CDK15: variants seen among roughly 807,000 people sequenced by gnomAD.
The protein encoded by CDK15 is cyclin-dependent kinase 15.
A neutral mutation model predicts 60.3 loss-of-function variants in CDK15; 62 were observed. The observed-to-expected ratio is 1.03, with a 90% confidence interval of 0.84 to 1.27. The LOEUF (loss-of-function observed/expected upper bound fraction) is 1.27. Among genes scored for constraint, CDK15 ranks in the 50% most tolerant of loss-of-function variants. CDK15 has a pLI of 0.00. For missense variants in CDK15, 541 were observed against 527.8 expected (o/e 1.03, Z -0.25); for synonymous variants, 194 against 195.7 (o/e 0.99, Z 0.07).
At chr2:201,891,890 A>G (rs1352919552) in intron 13 of CDK15, among the ~76,000 whole-genome samples, 1 of 152,054 alleles carries the variant, frequency 6.6e-6, no homozygotes, top group Non-Finnish European at 1.5e-5. Context: ...TTTGACAACC[A>G]CAGCTTGGCC....
chr2:201,886,574 C>T (rs1699457412), intron 12 of CDK15, among the ~76,000 whole-genome samples: 1 of 152,176 alleles, frequency 6.6e-6, no homozygotes. Context: ...ATCCACCTGC[C>T]TTGGCCTCCC....
intron 13 of CDK15, among the ~76,000 whole-genome samples, chr2:201,892,791 A>C (rs1029838058): frequency 6.6e-6 from 1 of 152,270 alleles, no homozygotes; most frequent in African/African-American, 2.4e-5. Flanking sequence ...TTTTCCAGTG[A>C]ATTGAATTTA....
At chr2:201,829,654 C>T (rs1696662479) in intron 6 of CDK15, among the ~76,000 whole-genome samples, 1 of 152,056 alleles carries the variant, frequency 6.6e-6, no homozygotes, top group African/African-American at 2.4e-5. Flanking sequence ...TTGAAATCAT[C>T]AGAATACGGT....
chr2:201,815,086 G>A (rs1414007517), intron 4 of CDK15, among the ~76,000 whole-genome samples: 1 of 151,918 alleles, frequency 6.6e-6, no homozygotes, highest in Non-Finnish European at 1.5e-5. Context: ...GGAGTAGCTG[G>A]GATTACAGGC....
At chr2:201,860,523 G>A (rs141705123) in intron 10 of CDK15, among the ~76,000 whole-genome samples, 2 of 152,166 alleles carry the variant, frequency 1.3e-5, no homozygotes, top group Non-Finnish European at 1.5e-5. Flanking sequence ...GAGCTCAGCC[G>A]CAGGGAAGCA....
In CDK15 at chr2:201,882,612, G is replaced by GAAAGGC. The variant is rs1699320028; in HGVS notation, c.1198+2446_1198+2451dup. On this transcript the variant is annotated intron_variant, in intron 12 of 13. Transcript: ENST00000652192. The surrounding 1 kb of genome is among the most constrained non-coding windows in gnomAD (Gnocchi z 4.0). ...GAAAGCGCCGGTGCCAAGAGACAGG[G>GAAAGGC]AAAGGCGGGGGCAAGATTGGGTGTG... is the stretch of plus-strand genomic sequence containing the variant. 6.6e-6 allele frequency among the ~76,000 whole-genome samples: 1 copy of GAAAGGC among 151,544 alleles called. No individual in the cohort carries two copies. Among genetic ancestry groups the GAAAGGC allele is most frequent in the Non-Finnish European group, 1.5e-5 (1 of 67,828 alleles).
In CDK15 at chr2:201,882,602, A is replaced by G. The variant is rs944133179; in HGVS notation, c.1198+2435A>G. Among the ~76,000 whole-genome samples the G allele has an allele frequency of 1.3e-5, 2 of 151,706 alleles. No homozygotes were observed. The highest frequency in any genetic ancestry group is 1.3e-4 in the Admixed American group (2 of 15,228). On this transcript the variant is annotated intron_variant, in intron 12 of 13. Coordinates refer to ENST00000652192, the MANE Select transcript of CDK15 (RefSeq NM_001366386.2). This position sits in a 1 kb window ranked among gnomAD's most constrained non-coding sequence, Gnocchi z 4.0. Reference sequence around the variant, plus strand: ...GGGAGAAGATGAAAGCGCCGGTGCCAAGAGACAGGGAAAGGCGGGGGCAAG... The same window carrying G: ...GGGAGAAGATGAAAGCGCCGGTGCCGAGAGACAGGGAAAGGCGGGGGCAAG...
At chr2:201,815,155 T>C (rs1695936352) in intron 4 of CDK15, among the ~76,000 whole-genome samples, 1 of 152,192 alleles carries the variant, frequency 6.6e-6, no homozygotes, top group Non-Finnish European at 1.5e-5. Flanking sequence ...TTCCCCATGT[T>C]GGCCAGGCTG....
intron 2 of CDK15, 94 bp downstream of exon 2, chr2:201,807,737 T>C: frequency 6.4e-7 from 1 of 1,564,638 alleles, no homozygotes; most frequent in Non-Finnish European, 8.7e-7. Flanking sequence ...TGAGCGAGCC[T>C]TCCCAAGTCT....
At chr2:201,860,677 C>T (rs1406252269) in intron 10 of CDK15, 20 of 1,347,298 alleles carry the variant, frequency 1.5e-5, no homozygotes, top group Non-Finnish European at 1.9e-5. Flanking sequence ...GTACCATAAG[C>T]GACAGGCCAA....
chr2:201,860,692 T>A, intron 10 of CDK15: 1 of 1,351,620 alleles, frequency 7.4e-7, no homozygotes, highest in Admixed American at 1.9e-5. Context: ...GGCCAAGGGA[T>A]GCCCAGTTGT....
chr2:201,854,785 C>T, intron 9 of CDK15, 89 bp from the exon 10 acceptor site: 7 of 1,082,014 alleles, frequency 6.5e-6, no homozygotes, highest in East Asian at 2.4e-5. Context: ...CCCTGTTCTT[C>T]CCTGATTTGT....
chr2:201,884,885 G>A (rs905760663), intron 12 of CDK15, among the ~76,000 whole-genome samples: 21 of 152,146 alleles, frequency 1.4e-4, no homozygotes, highest in African/African-American at 2.9e-4. Context: ...AAGAGCTTAC[G>A]GTCCTTTAGG....
intron 12 of CDK15, among the ~76,000 whole-genome samples, 162 bp from the exon 13 acceptor site, chr2:201,890,623 C>T (rs1699610411): frequency 1.3e-5 from 2 of 152,164 alleles, no homozygotes; most frequent in Admixed American, 6.5e-5. Context: ...CTATTGGATT[C>T]AGTAAAGTGA....
At chr2:201,866,014 G>A (rs887484437) in intron 10 of CDK15, among the ~76,000 whole-genome samples, 11 of 69,048 alleles carry the variant, frequency 1.6e-4, no homozygotes, top group African/African-American at 1.1e-3. Flanking sequence ...GAGTGAATGT[G>A]TGTGTGTGTG....
At chr2:201,881,880 C>T (rs1420493957) in intron 12 of CDK15, among the ~76,000 whole-genome samples, 12 of 152,114 alleles carry the variant, frequency 7.9e-5, no homozygotes. Context: ...CAAGTGTACA[C>T]GCTTGGATGT....
At chr2:201,872,240 T>C in intron 10 of CDK15, 38 bp from the exon 11 acceptor site, 1 of 1,608,946 alleles carries the variant, frequency 6.2e-7, no homozygotes, top group Non-Finnish European at 8.5e-7. Context: ...GGTTTTCGGG[T>C]GGATTTTATT....
intron 8 of CDK15, among the ~76,000 whole-genome samples, chr2:201,840,096 T>C (rs1470848691): frequency 6.6e-6 from 1 of 152,032 alleles, no homozygotes; most frequent in African/African-American, 2.4e-5. Context: ...GCGATTCTCC[T>C]GCCTTAACCT....
chr2:201,853,869 T>C (rs1698018379), intron 9 of CDK15, among the ~76,000 whole-genome samples: 2 of 152,028 alleles, frequency 1.3e-5, no homozygotes, highest in South Asian at 4.1e-4. Flanking sequence ...GGCTTTAAAT[T>C]GGTCATTCAA....
Sources: gnomAD v4.1 joint callset for allele counts (sites outside exome capture counted in the v4.1 genomes callset) on GRCh38, gnomAD v4.1.1 for gene constraint, Gnocchi (gnomAD v3.1) non-coding constraint, MANE v1.5 for transcripts, NCBI Gene and HGNC (gene_info 2026-07-23, HGNC 2026-07-21) for gene names.